SCP2: variants seen among roughly 807,000 people sequenced by gnomAD.
SCP2 encodes the protein SCP-2/3-oxoacyl-CoA thiolase.
In SCP2, 48 loss-of-function variants were observed where a neutral mutation model predicts 71.4. The ratio of observed to expected loss-of-function variants is 0.67; its 90% CI spans 0.53 to 0.86. SCP2 has a LOEUF of 0.86. Among genes scored for constraint, SCP2 ranks in the 40% least tolerant of loss-of-function variants. The pLI, the probability that SCP2 is intolerant of heterozygous loss-of-function variation, is 0.00. For synonymous variants in SCP2, 220 were observed against 218.1 expected (o/e 1.01, Z -0.08); for missense variants, 560 against 655.6 (o/e 0.85, Z 1.59).
intron 11 of SCP2, among the ~76,000 whole-genome samples, chr1:53,009,471 C>T (rs959874992): frequency 6.6e-6 from 1 of 152,054 alleles, no homozygotes; most frequent in African/African-American, 2.4e-5. Context: ...GAAATAATAC[C>T]ACACATCTAC....
At chr1:52,966,619 C>T (rs956220608) in intron 6 of SCP2, among the ~76,000 whole-genome samples, 2 of 151,804 alleles carry the variant, frequency 1.3e-5, no homozygotes, top group Non-Finnish European at 2.9e-5. Context: ...GTTGTGGTGG[C>T]TTACGCCTGT....
At chr1:52,962,983 G>C (rs558784647) in intron 6 of SCP2, among the ~76,000 whole-genome samples, 4 of 149,054 alleles carry the variant, frequency 2.7e-5, no homozygotes, top group African/African-American at 9.9e-5. Context: ...ATTTTTATTT[G>C]TCTTATTTCC....
intron 13 of SCP2, among the ~76,000 whole-genome samples, chr1:53,034,733 G>A (rs556783784): frequency 6.6e-6 from 1 of 152,042 alleles, no homozygotes; most frequent in South Asian, 2.1e-4. Flanking sequence ...AATTCCTCAG[G>A]GGCAGTAATT....
chr1:52,984,843 CTT>C (rs58111718), intron 10 of SCP2, among the ~76,000 whole-genome samples: 6 of 105,988 alleles, frequency 5.7e-5, no homozygotes, highest in Admixed American at 1.8e-4. Context: ...AGCTTTTCTT[CTT>C]TTTTTTTTTT....
intron 6 of SCP2, among the ~76,000 whole-genome samples, chr1:52,970,913 A>C (rs1202687250): frequency 8.4e-6 from 1 of 118,750 alleles, no homozygotes; most frequent in Non-Finnish European, 1.8e-5. Context: ...GATTTGTGCT[A>C]TTTTATTTTT....
rs115810571 is a variant in SCP2, at chr1:52,927,317, A to G, written c.-80A>G. On this transcript the variant is annotated 5_prime_UTR_variant, in exon 1 of 16. Coordinates refer to ENST00000371514, the MANE Select transcript of SCP2 (RefSeq NM_002979.5). ...GCCCGCGGCCCTGGCTTCGGGCTTCAGGGAGCTCTGGTGCAGTCTCCGCCT... is the reference window on the plus strand; with the variant it reads ...GCCCGCGGCCCTGGCTTCGGGCTTCGGGGAGCTCTGGTGCAGTCTCCGCCT... 1 of 1,276,760 alleles carries G rather than the reference A, an allele frequency of 7.8e-7. No individual in the cohort carries two copies. The highest frequency in any genetic ancestry group is 1.1e-6 in the Non-Finnish European group (1 of 905,154). 79.1% of individuals were successfully genotyped at this position (1,276,760 alleles called of 1,614,324 possible).
chr1:52,948,498 G>A (rs1329404431), intron 3 of SCP2, among the ~76,000 whole-genome samples: 7 of 151,802 alleles, frequency 4.6e-5, no homozygotes, highest in South Asian at 2.1e-4. Flanking sequence ...CAAAAAATGC[G>A]CCTGTAGTCC....
intron 14 of SCP2, among the ~76,000 whole-genome samples, chr1:53,039,563 T>TC (rs980238508): frequency 3.4e-4 from 52 of 152,312 alleles, no homozygotes; most frequent in African/African-American, 1.3e-3. Flanking sequence ...CCCAGACTGT[T>TC]CCTGTCAAGA....
At chr1:52,994,565 C>T in intron 11 of SCP2, 2 of 276,910 alleles carry the variant, frequency 7.2e-6, no homozygotes, top group Non-Finnish European at 7.2e-6. Flanking sequence ...CACAGTTCTG[C>T]CTCTCAGAAC....
At chr1:52,938,255 A>C (rs191798853) in intron 1 of SCP2, among the ~76,000 whole-genome samples, 1 of 152,244 alleles carries the variant, frequency 6.6e-6, no homozygotes, top group Admixed American at 6.5e-5. Context: ...ATAAGAATAA[A>C]TATTTCATGA....
intron 12 of SCP2, among the ~76,000 whole-genome samples, chr1:53,023,091 A>G (rs985051944): frequency 3.0e-4 from 45 of 152,226 alleles, no homozygotes; most frequent in Non-Finnish European, 4.8e-4. Context: ...TGATATATTC[A>G]GTTTTCTTAG....
intron 11 of SCP2, among the ~76,000 whole-genome samples, chr1:52,992,255 G>A (rs943671080): frequency 1.3e-5 from 2 of 151,690 alleles, no homozygotes; most frequent in African/African-American, 4.9e-5. Flanking sequence ...TATACACAAG[G>A]TATGCTATGA....
chr1:52,999,815 GTTTTTTT>G (rs60893788), intron 11 of SCP2, among the ~76,000 whole-genome samples: 1 of 109,420 alleles, frequency 9.1e-6, no homozygotes, highest in East Asian at 3.0e-4. Flanking sequence ...CTGAACACTT[GTTTTTTT>G]TTTTTTTTTT....
At chr1:52,964,562 A>T (rs1656781755) in intron 6 of SCP2, among the ~76,000 whole-genome samples, 1 of 152,172 alleles carries the variant, frequency 6.6e-6, no homozygotes, top group South Asian at 2.1e-4. Flanking sequence ...AATATACTTT[A>T]AAAATATTTT....
At chr1:53,014,666 T>C (rs986691919) in intron 11 of SCP2, among the ~76,000 whole-genome samples, 5 of 152,252 alleles carry the variant, frequency 3.3e-5, no homozygotes, top group African/African-American at 1.2e-4. Context: ...TGTTTTCTCT[T>C]TCAACATGCC....
chr1:53,042,651 T>C, intron 14 of SCP2, among the ~76,000 whole-genome samples: 1 of 152,204 alleles, frequency 6.6e-6, no homozygotes, highest in Non-Finnish European at 1.5e-5. Flanking sequence ...AACCAACAAA[T>C]GGCTATTTGT....
At chr1:52,946,938 G>A (rs948048985) in intron 2 of SCP2, among the ~76,000 whole-genome samples, 20 of 151,128 alleles carry the variant, frequency 1.3e-4, no homozygotes, top group African/African-American at 4.9e-4. Flanking sequence ...TATTATTCCT[G>A]TAATCCCAGT....
intron 15 of SCP2, chr1:53,050,249 T>C (rs1016800420): frequency 4.0e-6 from 1 of 250,750 alleles, no homozygotes; most frequent in Non-Finnish European, 7.8e-6. Flanking sequence ...TGTGTATGCT[T>C]TTTCTCTCAG....
At chr1:52,970,968 ATT>A (rs1200663958) in intron 6 of SCP2, among the ~76,000 whole-genome samples, 1 of 70,964 alleles carries the variant, frequency 1.4e-5, no homozygotes, top group African/African-American at 7.2e-5. Flanking sequence ...AGAGACACAG[ATT>A]TTTTTTTTTT....
Sources: allele counts gnomAD v4.1 joint callset (sites outside exome capture counted in the v4.1 genomes callset), GRCh38; gene constraint gnomAD v4.1.1; transcripts MANE v1.5; gene names NCBI Gene and HGNC (gene_info 2026-07-23, HGNC 2026-07-21).